Variants in GNG7 observed in about 807,000 individuals in gnomAD.
The protein encoded by GNG7 is G protein subunit gamma 7.
GNG7 carries 1 observed loss-of-function variant against 4.0 expected under a neutral mutation model. The ratio of observed to expected loss-of-function variants is 0.25; its 90% confidence interval spans 0.09 to 1.18. The LOEUF is 1.18. Ranked by LOEUF, GNG7 falls within the 50% of genes most tolerant of loss-of-function variation. The pLI, the probability that GNG7 is intolerant of heterozygous loss-of-function variation, is 0.50. For synonymous variants in GNG7, 34 were observed against 36.9 expected (o/e 0.92, Z 0.29); for missense variants, 86 against 91.9 (o/e 0.94, Z 0.26).
chr19:2,520,144 G>T (rs1270448582), intron 4 of GNG7, among the ~76,000 whole-genome samples: 1 of 152,228 alleles, frequency 6.6e-6, no homozygotes, highest in Non-Finnish European at 1.5e-5. Flanking sequence ...TCGCGCCACT[G>T]CACTCCAGCC....
Position 2,512,133 on chromosome 19 carries a change from G to C in GNG7, c.*2889C>G. On this transcript the variant is annotated 3_prime_UTR_variant, in exon 5 of 5. Transcript: ENST00000382159. This position sits in a 1 kb window ranked among gnomAD's most constrained non-coding sequence, Gnocchi z 4.7. ...CTTAACTCTCTTTTCCCCTGGCGTA[G>C]CTGAGAGAGGCTTGTCCCCCCAAGG... 1.0e-6 allele frequency: 1 copy of C among 985,654 alleles called. No individual in the cohort carries two copies. Among genetic ancestry groups the C allele is most frequent in the African/African-American group, 1.8e-5 (1 of 57,134 alleles). 61.1% of individuals were successfully genotyped at this position (985,654 alleles called of 1,614,324 possible).
chr19:2,550,278 C>T (rs575220926), intron 3 of GNG7, among the ~76,000 whole-genome samples: 131 of 152,264 alleles, frequency 8.6e-4, no homozygotes, highest in African/African-American at 2.9e-3. Flanking sequence ...AGTGCAGTGG[C>T]GCAATCTCGG....
At chr19:2,569,590 T>G (rs1422919621) in intron 2 of GNG7, among the ~76,000 whole-genome samples, 1 of 152,080 alleles carries the variant, frequency 6.6e-6, no homozygotes, top group Non-Finnish European at 1.5e-5. Context: ...TCTCCATTCT[T>G]AAACAAAAAG....
In GNG7 at chr19:2,611,655, A is replaced by G. The variant is rs1038053973; in HGVS notation, c.-78+34569T>C. ...AGGTCGAGACCAGCCTGGCCAAGAG[A>G]GCAACACCAGGTCTCTACAAAAAAT... is the stretch of plus-strand genomic sequence containing the variant. On this transcript the variant is annotated intron_variant, in intron 2 of 4. Transcript: ENST00000382159. The surrounding 1 kb of genome is among the most constrained non-coding windows in gnomAD (Gnocchi z 6.0). 1.3e-5 allele frequency: 2 copies of G among 151,942 alleles called. No homozygotes were observed. The highest frequency in any genetic ancestry group is 2.9e-5 in the Non-Finnish European group (2 of 68,004). The allele number at this position is 151,942 out of a possible 1,614,324, so 9.4% of individuals were successfully genotyped here. A position where few individuals can be genotyped will look rare whatever the true frequency, so the allele number is the denominator to read the frequency against.
intron 1 of GNG7, among the ~76,000 whole-genome samples, chr19:2,651,125 C>A (rs1288430215): frequency 1.3e-5 from 2 of 152,162 alleles, no homozygotes; most frequent in Non-Finnish European, 2.9e-5. Context: ...AGGCCATGGA[C>A]AGTGGTGGTG....
At position 2,603,077 on chromosome 19, in the gene GNG7, C is replaced by A. The variant is rs558212738; in HGVS notation, c.-78+43147G>T. ...TTTCTCTTTTCTGTTCTGTTCTGTTCTTTTTTTTGATGGAGTTTCGCTCTT... is the reference window on the plus strand; with the variant it reads ...TTTCTCTTTTCTGTTCTGTTCTGTTATTTTTTTTGATGGAGTTTCGCTCTT... On this transcript the variant is annotated intron_variant, in intron 2 of 4. Transcript: ENST00000382159. Among the ~76,000 whole-genome samples, 3 of 137,986 alleles carry A rather than the reference C, an allele frequency of 2.2e-5. No homozygotes were observed. The South Asian group carries it at 6.9e-4, about 32-fold the overall frequency. The allele number at this position is 137,986 out of a possible 152,430, so 90.5% of individuals were successfully genotyped here.
At chr19:2,592,641 G>A (rs1480096333) in intron 2 of GNG7, among the ~76,000 whole-genome samples, 1 of 151,136 alleles carries the variant, frequency 6.6e-6, no homozygotes, top group Non-Finnish European at 1.5e-5. Flanking sequence ...GGACGTTGAG[G>A]CAGAAGGATT....
intron 1 of GNG7, among the ~76,000 whole-genome samples, chr19:2,689,255 G>C (rs1206454316): frequency 1.3e-5 from 2 of 151,308 alleles, no homozygotes; most frequent in East Asian, 3.9e-4. Flanking sequence ...GTGTTATAGG[G>C]GAAAAAAAAT....
rs1460894972 is a variant in GNG7, at chr19:2,633,485, GCGCACA to G, written c.-78+12733_-78+12738del. ...CTTAGCAACAGGCGCGCGCGCGCGC[GCGCACA>G]CACACACACACACACACACACACAC... On this transcript the variant is annotated intron_variant, in intron 2 of 4. Coordinates refer to ENST00000382159, the MANE Select transcript of GNG7 (RefSeq NM_052847.3). The surrounding 1 kb of genome is among the most constrained non-coding windows in gnomAD (Gnocchi z 5.9). Among the ~76,000 whole-genome samples the G allele has an allele frequency of 0.061, 8,010 of 131,716 alleles. 285 individuals carry two copies. The highest frequency in any genetic ancestry group is 0.089 in the Non-Finnish European group (5,488 of 61,886). The allele number at this position is 131,716 out of a possible 152,430, so 86.4% of individuals were successfully genotyped here. A position where few individuals can be genotyped will look rare whatever the true frequency, so the allele number is the denominator to read the frequency against.
chr19:2,610,304 G>A (rs1046357056), intron 2 of GNG7: 6 of 149,046 alleles, frequency 4.0e-5, no homozygotes, highest in African/African-American at 1.5e-4. Context: ...TGGACTATAG[G>A]TGTGCACTGC....
intron 2 of GNG7, among the ~76,000 whole-genome samples, chr19:2,581,935 C>T (rs1980516970): frequency 6.6e-6 from 1 of 152,206 alleles, no homozygotes; most frequent in Non-Finnish European, 1.5e-5. Context: ...CTATAACCCT[C>T]ACTTTAAGCC....
intron 1 of GNG7, among the ~76,000 whole-genome samples, chr19:2,681,435 G>A (rs1157239680): frequency 1.3e-5 from 2 of 152,034 alleles, no homozygotes; most frequent in Non-Finnish European, 2.9e-5. Context: ...CGCCCGCCTC[G>A]GCCTCCCAAA....
intron 2 of GNG7, among the ~76,000 whole-genome samples, chr19:2,621,540 A>G (rs57775866): frequency 0.055 from 8,229 of 150,732 alleles, 357 homozygotes; most frequent in African/African-American, 0.12. Context: ...TCTACTAAAA[A>G]CACAAAGTTA....
At chr19:2,532,292 G>A (rs536059083) in intron 3 of GNG7, among the ~76,000 whole-genome samples, 8 of 152,192 alleles carry the variant, frequency 5.3e-5, no homozygotes, top group South Asian at 4.1e-4. Context: ...TGGAATTTTC[G>A]CTGCAAATTG....
intron 3 of GNG7, among the ~76,000 whole-genome samples, chr19:2,551,185 C>T (rs966841869): frequency 3.3e-5 from 5 of 152,220 alleles, no homozygotes; most frequent in Non-Finnish European, 7.3e-5. Context: ...TCAGGGCAGG[C>T]TCCAGGGACC....
At chr19:2,636,160 A>G (rs779689924) in intron 2 of GNG7, among the ~76,000 whole-genome samples, 6 of 152,150 alleles carry the variant, frequency 3.9e-5, no homozygotes, top group Non-Finnish European at 7.4e-5. Flanking sequence ...GGCAGACAGC[A>G]TAAATCAGGG....
At chr19:2,590,485 TCATCCATCCATCCATC>T (rs755259874) in intron 2 of GNG7, among the ~76,000 whole-genome samples, 1 of 131,896 alleles carries the variant, frequency 7.6e-6, no homozygotes, top group African/African-American at 2.9e-5. Flanking sequence ...ACCCATCTGT[TCATCCATCCATCCATC>T]CATCCATCCA....
At chr19:2,518,113 T>C (rs746863899) in intron 4 of GNG7, among the ~76,000 whole-genome samples, 11 of 152,278 alleles carry the variant, frequency 7.2e-5, no homozygotes, top group South Asian at 4.1e-4. Context: ...CCACCCCCCA[T>C]GCCCACTGCG....
At chr19:2,529,255 C>T (rs552063186) in intron 3 of GNG7, among the ~76,000 whole-genome samples, 20 of 152,306 alleles carry the variant, frequency 1.3e-4, no homozygotes, top group African/African-American at 4.3e-4. Context: ...CTCACTCTGT[C>T]GCCCAGGCTG....
Sources: gnomAD v4.1 joint callset for allele counts (sites outside exome capture counted in the v4.1 genomes callset) on GRCh38, gnomAD v4.1.1 for gene constraint, Gnocchi (gnomAD v3.1) non-coding constraint, MANE v1.5 for transcripts, NCBI Gene and HGNC (gene_info 2026-07-23, HGNC 2026-07-21) for gene names.